MNAT1: variants seen among roughly 807,000 people sequenced by gnomAD.
MNAT1 encodes MNAT1 component of CDK activating kinase.
A neutral mutation model predicts 42.0 loss-of-function variants in MNAT1; 43 were observed. The observed-to-expected ratio is 1.02, with a 90% CI of 0.80 to 1.32. MNAT1 has a LOEUF of 1.32. MNAT1 is among the 40% of genes most tolerant of loss of function. The pLI is 0.00. For missense variants in MNAT1, 306 were observed against 350.4 expected, an observed-to-expected ratio of 0.87 and a Z score of 1.01; for synonymous variants, 118 against 120.0, an observed-to-expected ratio of 0.98 and a Z score of 0.11.
chr14:60,794,663 A>ATT, intron 1 of MNAT1, among the ~76,000 whole-genome samples: 1 of 134,746 alleles, frequency 7.4e-6, no homozygotes, highest in African/African-American at 2.7e-5. Flanking sequence ...AAAAAAAAAT[A>ATT]TATATATATA....
At chr14:60,911,900 T>G (rs934066035) in intron 7 of MNAT1, among the ~76,000 whole-genome samples, 1 of 152,122 alleles carries the variant, frequency 6.6e-6, no homozygotes, top group Admixed American at 6.5e-5. Flanking sequence ...CTCGTTGATC[T>G]GTCTAATGTT....
chr14:60,868,364 C>A (rs1309798127), intron 6 of MNAT1, among the ~76,000 whole-genome samples: 1 of 152,108 alleles, frequency 6.6e-6, no homozygotes, highest in East Asian at 1.9e-4. Context: ...CTTGGAGATA[C>A]TTTCTTTGGA....
intron 1 of MNAT1, among the ~76,000 whole-genome samples, chr14:60,788,362 A>G (rs2031716709): frequency 6.6e-6 from 1 of 152,294 alleles, no homozygotes; most frequent in African/African-American, 2.4e-5. Context: ...TTATTCTTCC[A>G]TTTATAGAGC....
At chr14:60,822,177 A>G (rs1383906491) in intron 6 of MNAT1, among the ~76,000 whole-genome samples, 2 of 152,226 alleles carry the variant, frequency 1.3e-5, no homozygotes, top group Non-Finnish European at 2.9e-5. Flanking sequence ...CATCAGATCT[A>G]CAACCTTTTT....
chr14:60,818,995 G>A (rs1221268669), intron 6 of MNAT1, 148 bp downstream of exon 6: 3 of 795,998 alleles, frequency 3.8e-6, no homozygotes, highest in Non-Finnish European at 5.6e-6. Context: ...ATATGGATGG[G>A]TGCAGTATGA....
chr14:60,797,259 T>G (rs1594760427), intron 2 of MNAT1, among the ~76,000 whole-genome samples: 1 of 152,158 alleles, frequency 6.6e-6, no homozygotes, highest in Non-Finnish European at 1.5e-5. Context: ...TTCTGCAAGG[T>G]AGTCTCTTAG....
At chr14:60,953,085 C>G (rs2036414145) in intron 7 of MNAT1, among the ~76,000 whole-genome samples, 1 of 151,682 alleles carries the variant, frequency 6.6e-6, no homozygotes, top group Admixed American at 6.6e-5. Flanking sequence ...AGTCAAAATA[C>G]AAGGATATGA....
intron 1 of MNAT1, among the ~76,000 whole-genome samples, chr14:60,741,740 G>A (rs1271840461): frequency 7.0e-6 from 1 of 143,104 alleles, no homozygotes; most frequent in Non-Finnish European, 1.5e-5. Context: ...ACGCCTGAGC[G>A]CAAGTGATCC....
intron 1 of MNAT1, among the ~76,000 whole-genome samples, chr14:60,789,978 A>G (rs934928669): frequency 1.3e-5 from 2 of 152,082 alleles, no homozygotes; most frequent in East Asian, 1.9e-4. Flanking sequence ...ACCATAGTAT[A>G]TGAATGTTTA....
chr14:60,744,504 A>G (rs1043589854), intron 1 of MNAT1, among the ~76,000 whole-genome samples: 3 of 152,068 alleles, frequency 2.0e-5, no homozygotes, highest in Non-Finnish European at 2.9e-5. Flanking sequence ...TTATTTTTGC[A>G]TGTTTACTAC....
intron 1 of MNAT1, among the ~76,000 whole-genome samples, chr14:60,782,384 A>G (rs1022917082): frequency 1.3e-5 from 2 of 152,132 alleles, no homozygotes; most frequent in Admixed American, 1.3e-4. Context: ...TTATTGTTCC[A>G]TGTATACACT....
At position 60,771,960 on chromosome 14, in the gene MNAT1, G is replaced by A. The variant is rs369487205; in HGVS notation, c.90-24257G>A. 3.9e-5 allele frequency among the ~76,000 whole-genome samples: 6 copies of A among 152,128 alleles called. No homozygotes were observed. The East Asian group carries it at 7.7e-4, about 20-fold the overall frequency. On this transcript the variant is annotated intron_variant, in intron 1 of 7. Coordinates refer to ENST00000261245, the MANE Select transcript of MNAT1 (RefSeq NM_002431.4). ...GTTCTCTGAATAATAGGAGTTTTCT[G>A]TAAAACTAAACAATAATGGAGAGCA...
At chr14:60,957,992 C>T (rs1290633172) in intron 7 of MNAT1, among the ~76,000 whole-genome samples, 2 of 152,126 alleles carry the variant, frequency 1.3e-5, no homozygotes, top group Admixed American at 1.3e-4. Flanking sequence ...CATGCACCAC[C>T]ACACCCAGCT....
chr14:60,795,875 A>T (rs2031999330), intron 1 of MNAT1, among the ~76,000 whole-genome samples: 1 of 152,158 alleles, frequency 6.6e-6, no homozygotes, highest in Non-Finnish European at 1.5e-5. Flanking sequence ...AGGTCTATGG[A>T]TGATATTGGG....
At chr14:60,943,616 CTTTTT>C (rs35712843) in intron 7 of MNAT1, among the ~76,000 whole-genome samples, 2 of 150,360 alleles carry the variant, frequency 1.3e-5, no homozygotes, top group African/African-American at 4.9e-5. Flanking sequence ...ATTTGTTTCT[CTTTTT>C]TTTTTTAATT....
chr14:60,951,171 T>C (rs1168557881), intron 7 of MNAT1, among the ~76,000 whole-genome samples: 1 of 151,930 alleles, frequency 6.6e-6, no homozygotes, highest in African/African-American at 2.4e-5. Context: ...TTAAGAAATA[T>C]TATTTGCAAA....
intron 7 of MNAT1, among the ~76,000 whole-genome samples, chr14:60,961,739 A>G (rs1012397627): frequency 1.4e-4 from 22 of 152,212 alleles, no homozygotes; most frequent in African/African-American, 5.3e-4. Flanking sequence ...GTAGGCTCTC[A>G]GTAATTTTTT....
At chr14:60,956,053 G>T (rs2036482609) in intron 7 of MNAT1, among the ~76,000 whole-genome samples, 3 of 151,530 alleles carry the variant, frequency 2.0e-5, no homozygotes, top group Admixed American at 2.0e-4. Flanking sequence ...GTAACTTTGG[G>T]CTTCCTTACA....
intron 6 of MNAT1, among the ~76,000 whole-genome samples, chr14:60,847,272 C>T (rs866998261): frequency 9.2e-5 from 14 of 151,844 alleles, no homozygotes; most frequent in African/African-American, 1.9e-4. Context: ...GGTGTGTTGG[C>T]GGGCACCTGT....
Sources: allele counts gnomAD v4.1 joint callset (sites outside exome capture counted in the v4.1 genomes callset), GRCh38; gene constraint gnomAD v4.1.1; transcripts MANE v1.5; gene names NCBI Gene and HGNC (gene_info 2026-07-23, HGNC 2026-07-21).